CYP2C18: variants seen among roughly 807,000 people sequenced by gnomAD.
The protein encoded by CYP2C18 is cytochrome P450 2C18.
Under a neutral mutation model 41.3 loss-of-function variants are expected in CYP2C18, and 38 were observed. The observed-to-expected ratio is 0.92, with a 90% CI of 0.71 to 1.21. The LOEUF (loss-of-function observed/expected upper bound fraction) is 1.21. Among genes scored for constraint, CYP2C18 ranks in the 50% most tolerant of loss-of-function variants. The probability of loss-of-function intolerance (pLI) is 0.00; values close to 1 mark genes in which losing one functional copy is unlikely to be tolerated. For synonymous variants in CYP2C18, 236 were observed against 210.0 expected, an observed-to-expected ratio of 1.12 and a Z score of -1.07; for missense variants, 635 against 591.4, an observed-to-expected ratio of 1.07 and a Z score of -0.77.
At chr10:94,700,280 A>G (rs1378593868) in intron 4 of CYP2C18, among the ~76,000 whole-genome samples, 2 of 152,204 alleles carry the variant, frequency 1.3e-5, no homozygotes, top group African/African-American at 2.4e-5. Context: ...CAAAACAGAG[A>G]TATAGACCAA....
chr10:94,703,724 C>T (rs766108576), intron 4 of CYP2C18, among the ~76,000 whole-genome samples: 2 of 152,148 alleles, frequency 1.3e-5, no homozygotes, highest in Non-Finnish European at 2.9e-5. Flanking sequence ...GGCTTCAGCC[C>T]CCTTTCCAGG....
In CYP2C18 at chr10:94,735,246, A is replaced by G. The variant is rs759379161; in HGVS notation, c.1292-17A>G. 6 of 1,612,146 alleles carry G rather than the reference A, an allele frequency of 3.7e-6. No individual in the cohort carries two copies. The South Asian group carries it at 4.4e-5, about 12-fold the overall frequency. ...CTAATGTTCAAGGAACAAATCCCCT[A>G]TGTCTCTTATTTTCAGGAAAACGGA... On this transcript the variant is annotated splice_polypyrimidine_tract_variant and intron_variant, in intron 8 of 8. Coordinates refer to ENST00000285979, the MANE Select transcript of CYP2C18 (RefSeq NM_000772.3).
At chr10:94,688,308 T>C in intron 3 of CYP2C18, 34 bp downstream of exon 3, 1 of 1,573,452 alleles carries the variant, frequency 6.4e-7, no homozygotes, top group Non-Finnish European at 8.6e-7. Context: ...AAAAATGTTT[T>C]CTAAAATTTA....
chr10:94,731,580 A>G (rs1847833671), intron 7 of CYP2C18, among the ~76,000 whole-genome samples: 1 of 152,186 alleles, frequency 6.6e-6, no homozygotes, highest in Non-Finnish European at 1.5e-5. Context: ...CTATAAGGCT[A>G]CAGTAACCAA....
chr10:94,704,927 G>A (rs1337460300), intron 4 of CYP2C18, among the ~76,000 whole-genome samples: 1 of 152,106 alleles, frequency 6.6e-6, no homozygotes, highest in Non-Finnish European at 1.5e-5. Context: ...CATCCTGAGT[G>A]AGTTTTGAAT....
chr10:94,694,808 C>A (rs1013572757), intron 3 of CYP2C18, 109 bp from the exon 4 acceptor site: 3 of 1,204,394 alleles, frequency 2.5e-6, no homozygotes, highest in Admixed American at 2.4e-5. Flanking sequence ...AAGAGAATTT[C>A]TAGGTAGGTA....
At chr10:94,695,375 G>A (rs549053046) in intron 4 of CYP2C18, among the ~76,000 whole-genome samples, 24 of 152,190 alleles carry the variant, frequency 1.6e-4, no homozygotes, top group Middle Eastern at 3.4e-3. Flanking sequence ...TCCCACTTAA[G>A]AGTGAAAACA....
At chr10:94,729,278 G>T (rs776730947) in intron 7 of CYP2C18, among the ~76,000 whole-genome samples, 1 of 152,126 alleles carries the variant, frequency 6.6e-6, no homozygotes, top group African/African-American at 2.4e-5. Context: ...ACACCAGTGT[G>T]CAAGTTGATG....
intron 7 of CYP2C18, among the ~76,000 whole-genome samples, chr10:94,729,811 G>T (rs571360822): frequency 4.6e-5 from 7 of 152,212 alleles, no homozygotes; most frequent in African/African-American, 1.7e-4. Context: ...GTTTTAGCAA[G>T]TTAAAATGAA....
chr10:94,717,273 G>A (rs1298223696), intron 5 of CYP2C18, among the ~76,000 whole-genome samples: 1 of 152,102 alleles, frequency 6.6e-6, no homozygotes, highest in Non-Finnish European at 1.5e-5. Flanking sequence ...TTTCTTCCTA[G>A]CATCAATGGT....
intron 5 of CYP2C18, 79 bp from the exon 6 acceptor site, chr10:94,720,317 A>G: frequency 7.8e-7 from 1 of 1,288,062 alleles, no homozygotes; most frequent in Non-Finnish European, 1.1e-6. Context: ...CTTTAGAACA[A>G]CCTGATATAT....
chr10:94,709,804 A>T (rs1847404560), intron 5 of CYP2C18, among the ~76,000 whole-genome samples: 1 of 151,814 alleles, frequency 6.6e-6, no homozygotes, highest in Admixed American at 6.6e-5. Context: ...GTACAACTTC[A>T]TTCTTTGCAT....
At position 94,710,372 on chromosome 10, in the gene CYP2C18, G is replaced by C. The variant is rs1847414360; in HGVS notation, c.819+3412G>C. 1.3e-5 allele frequency among the ~76,000 whole-genome samples: 2 copies of C among 152,172 alleles called. 1 individual carries two copies. The highest frequency in any genetic ancestry group is 4.1e-4 in the South Asian group (2 of 4,830). On this transcript the variant is annotated intron_variant, in intron 5 of 8. Coordinates refer to ENST00000285979, the MANE Select transcript of CYP2C18 (RefSeq NM_000772.3). ...TTCTTAGCTATTTTGGTTGTGTAGAGTTCCCCATGAATTTTATGGTAATCT... is the reference window on the plus strand; with the variant it reads ...TTCTTAGCTATTTTGGTTGTGTAGACTTCCCCATGAATTTTATGGTAATCT...
At chr10:94,729,051 C>T (rs563229674) in intron 7 of CYP2C18, among the ~76,000 whole-genome samples, 12 of 152,042 alleles carry the variant, frequency 7.9e-5, no homozygotes, top group Admixed American at 1.3e-4. Context: ...AAGTTGCTTA[C>T]GAGTAACTTG....
chr10:94,692,544 G>A (rs1383442380), intron 3 of CYP2C18, among the ~76,000 whole-genome samples: 1 of 152,168 alleles, frequency 6.6e-6, no homozygotes, highest in African/African-American at 2.4e-5. Flanking sequence ...AGGATGTGGA[G>A]AAATAGGAAC....
At chr10:94,693,113 T>C (rs1043537579) in intron 3 of CYP2C18, among the ~76,000 whole-genome samples, 1 of 152,116 alleles carries the variant, frequency 6.6e-6, no homozygotes, top group African/African-American at 2.4e-5. Flanking sequence ...CGTATACATA[T>C]GTAACAAACC....
intron 5 of CYP2C18, among the ~76,000 whole-genome samples, chr10:94,714,124 G>T (rs1433333481): frequency 6.6e-6 from 1 of 151,882 alleles, no homozygotes; most frequent in East Asian, 1.9e-4. Flanking sequence ...TCATTCTTTA[G>T]GTTGCCTATT....
intron 4 of CYP2C18, among the ~76,000 whole-genome samples, chr10:94,697,705 G>C (rs1225931301): frequency 1.3e-5 from 2 of 152,144 alleles, no homozygotes; most frequent in African/African-American, 4.8e-5. Context: ...AAAGAGTCAA[G>C]ATCCATCAGT....
In CYP2C18 at chr10:94,726,711, C is replaced by T. The variant is rs74521146; in HGVS notation, c.1149+2178C>T. ...AAATTGACTGTAACCTCTCTGAGTT[C>T]CCCCATGCCTGCAAGCCTGAGTAAT... On this transcript the variant is annotated intron_variant, in intron 7 of 8. Transcript: ENST00000285979. Among the ~76,000 whole-genome samples, 7 of 151,992 alleles carry T rather than the reference C, an allele frequency of 4.6e-5. No homozygotes were observed. In the East Asian group the frequency reaches 1.2e-3, roughly 25 times the overall value.
Sources: allele counts gnomAD v4.1 joint callset (sites outside exome capture counted in the v4.1 genomes callset), GRCh38; gene constraint gnomAD v4.1.1; transcripts MANE v1.5; gene names NCBI Gene and HGNC (gene_info 2026-07-23, HGNC 2026-07-21).